FRMD8: variants seen among roughly 807,000 people sequenced by gnomAD.
The protein encoded by FRMD8 is FERM domain-containing protein 8.
FRMD8 carries 37 observed loss-of-function variants against 54.2 expected under a neutral mutation model. The ratio of observed to expected loss-of-function variants is 0.68; its 90% CI spans 0.53 to 0.90. The LOEUF is 0.90. Ranked by LOEUF, FRMD8 falls within the 40% of genes least tolerant of loss-of-function variation. FRMD8 has a pLI of 0.00. For synonymous variants in FRMD8, 246 were observed against 286.9 expected (o/e 0.86, Z 1.44); for missense variants, 585 against 653.7 (o/e 0.89, Z 1.15).
chr11:65,389,598 G>T, intron 3 of FRMD8, 70 bp downstream of exon 3: 1 of 1,453,874 alleles, frequency 6.9e-7, no homozygotes. Flanking sequence ...GAGGGAGGGG[G>T]CAGTGTTTGG....
At chr11:65,374,224 G>A in the FRMD8 span, among the ~76,000 whole-genome samples, 1 of 143,566 alleles carries the variant, frequency 7.0e-6, no homozygotes, top group Non-Finnish European at 1.5e-5. Flanking sequence ...GCTCTGATGA[G>A]CACGTGACGT....
At chr11:65,371,050 T>C in the FRMD8 span, among the ~76,000 whole-genome samples, 2 of 152,002 alleles carry the variant, frequency 1.3e-5, no homozygotes. Context: ...GAACTTGAGG[T>C]GCCTTTGGGA....
the FRMD8 span, chr11:65,380,038 G>A: frequency 1.3e-6 from 2 of 1,585,786 alleles, no homozygotes; most frequent in African/African-American, 2.7e-5. Context: ...AGGAGAGGCA[G>A]GAAAGGCAAG....
At chr11:65,388,630 C>G (rs1188377182) in intron 2 of FRMD8, among the ~76,000 whole-genome samples, 6 of 152,176 alleles carry the variant, frequency 3.9e-5, no homozygotes, top group Admixed American at 6.5e-5. Context: ...GGTTGCTCTT[C>G]CAGGTGTCTC....
At position 65,394,247 on chromosome 11, in the gene FRMD8, A is replaced by C. The variant is rs746315790; in HGVS notation, c.415-12A>C. The C allele has an allele frequency of 6.3e-6, 10 of 1,597,304 alleles. No homozygotes were observed. The highest frequency in any genetic ancestry group is 4.1e-5 in the African/African-American group (3 of 74,018). On this transcript the variant is annotated splice_polypyrimidine_tract_variant and intron_variant, in intron 5 of 10. Transcript: ENST00000317568. ...CCAGCTGAGCGGCTGTCCCTGCCAC[A>C]CCCCCCTGCAGATCCATGACGAGGA...
chr11:65,403,906 C>T (rs1856133347), intron 9 of FRMD8, among the ~76,000 whole-genome samples: 1 of 152,182 alleles, frequency 6.6e-6, no homozygotes, highest in African/African-American at 2.4e-5. Flanking sequence ...GGACTCTGTC[C>T]CCACCGGCTG....
At chr11:65,401,495 T>C (rs1856080468) in intron 9 of FRMD8, among the ~76,000 whole-genome samples, 1 of 148,454 alleles carries the variant, frequency 6.7e-6, no homozygotes, top group Non-Finnish European at 1.5e-5. Context: ...ATCTCGGGTC[T>C]CTCTGGATCC....
the FRMD8 span, chr11:65,381,560 CTTTTTTTTT>C: frequency 9.4e-5 from 8 of 84,686 alleles, no homozygotes; most frequent in South Asian, 3.4e-4. Context: ...TGCCCTGATT[CTTTTTTTTT>C]TTTTTTTTTT....
chr11:65,370,732 T>C, the FRMD8 span, among the ~76,000 whole-genome samples: 1 of 150,580 alleles, frequency 6.6e-6, no homozygotes, highest in Non-Finnish European at 1.5e-5. Context: ...CATGTTCAGA[T>C]CTGAGACAGG....
chr11:65,381,122 C>T, the FRMD8 span: 1 of 153,128 alleles, frequency 6.5e-6, no homozygotes. Context: ...CTGGGGTGCT[C>T]CACGGAACCC....
intron 4 of FRMD8, 130 bp from the exon 5 acceptor site, chr11:65,393,911 C>A: frequency 2.0e-6 from 2 of 980,880 alleles, no homozygotes; most frequent in Non-Finnish European, 3.2e-6. Flanking sequence ...GCACACTCCA[C>A]CCTCTGCACG....
rs1855739652 is a variant in FRMD8, at chr11:65,386,744, G to A, written c.-18G>A. 2.4e-6 allele frequency: 1 copy of A among 418,348 alleles called. No homozygotes were observed. The highest frequency in any genetic ancestry group is 4.3e-6 in the Non-Finnish European group (1 of 234,634). 25.9% of individuals were successfully genotyped at this position (418,348 alleles called of 1,614,324 possible). On this transcript the variant is annotated 5_prime_UTR_variant, in exon 1 of 11. Coordinates refer to ENST00000317568, the MANE Select transcript of FRMD8 (RefSeq NM_031904.5). ...AGGAGCCTTGCCTCTCAGGTGGCGG[G>A]CTCTGCGACCCTGCGAGGTGAGAGC...
intron 4 of FRMD8, 141 bp from the exon 5 acceptor site, chr11:65,393,900 T>C: frequency 7.7e-6 from 7 of 912,556 alleles, no homozygotes; most frequent in South Asian, 7.6e-5. Flanking sequence ...TGGGATGAGC[T>C]GCACACTCCA....
the FRMD8 span, among the ~76,000 whole-genome samples, chr11:65,373,337 CCAT>C: frequency 5.9e-5 from 9 of 152,234 alleles, no homozygotes; most frequent in African/African-American, 2.2e-4. Flanking sequence ...CTTGTGTTTT[CCAT>C]AGGAGGAGCA....
intron 3 of FRMD8, 152 bp downstream of exon 3, chr11:65,389,680 T>A: frequency 1.3e-6 from 1 of 772,558 alleles, no homozygotes; most frequent in Non-Finnish European, 2.0e-6. Context: ...GCTGTCCACC[T>A]GTCTGAGCAC....
At chr11:65,381,927 C>A (rs1855584930), upstream of FRMD8, 1 of 1,614,042 alleles carries the variant, frequency 6.2e-7, no homozygotes, top group South Asian at 1.1e-5. Context: ...GAGATCCAGC[C>A]AGCCACAAAT....
chr11:65,394,837 G>A (rs902765293), intron 6 of FRMD8, among the ~76,000 whole-genome samples: 4 of 152,214 alleles, frequency 2.6e-5, no homozygotes, highest in African/African-American at 7.2e-5. Context: ...TCCAGGAGCC[G>A]AGTTCTCTGC....
intron 10 of FRMD8, among the ~76,000 whole-genome samples, chr11:65,407,269 A>ATTTT (rs1392326152): frequency 3.3e-5 from 5 of 149,648 alleles, no homozygotes; most frequent in African/African-American, 9.9e-5. Flanking sequence ...TTATTTATTT[A>ATTTT]GAGACAGAGT....
chr11:65,399,398 G>A (rs151094991), intron 7 of FRMD8, among the ~76,000 whole-genome samples: 2 of 152,276 alleles, frequency 1.3e-5, no homozygotes, highest in Non-Finnish European at 2.9e-5. Flanking sequence ...GTGGTCAGCA[G>A]GCTCTCCTGG....
Sources: gnomAD v4.1 joint callset for allele counts (sites outside exome capture counted in the v4.1 genomes callset) on GRCh38, gnomAD v4.1.1 for gene constraint, MANE v1.5 for transcripts, NCBI Gene and HGNC (gene_info 2026-07-23, HGNC 2026-07-21) for gene names.